The following CASK variants were observed in gnomAD, a reference collection of about 807,000 sequenced individuals.
The protein encoded by CASK is peripheral plasma membrane protein CASK.
A neutral mutation model predicts 82.9 loss-of-function variants in CASK; 4 were observed. The observed-to-expected ratio is 0.05, with a 90% confidence interval of 0.02 to 0.11. The LOEUF (loss-of-function observed/expected upper bound fraction) is 0.11, where lower values mean the gene tolerates loss of function less well. Among genes scored for constraint, CASK ranks in the 10% least tolerant of loss-of-function variants. The pLI, the probability that CASK is intolerant of heterozygous loss-of-function variation, is 1.00. For synonymous variants in CASK, 259 were observed against 253.5 expected (o/e 1.02, Z -0.20); for missense variants, 358 against 720.9 (o/e 0.50, Z 5.76).
intron 12 of CASK, among the ~76,000 whole-genome samples, chrX:41,600,898 A>C (rs1258692184): frequency 8.9e-6 from 1 of 112,219 alleles, no homozygotes; most frequent in Non-Finnish European, 1.9e-5. Flanking sequence ...TACACACACG[A>C]TGGAATATTA....
chrX:41,861,950 T>C (rs898190123), intron 1 of CASK, among the ~76,000 whole-genome samples: 4 of 103,917 alleles, frequency 3.8e-5, no homozygotes, highest in Non-Finnish European at 7.8e-5. Context: ...TATATATGTA[T>C]GTATACATAT....
At chrX:41,566,911 C>A (rs1218179102) in intron 16 of CASK, among the ~76,000 whole-genome samples, 8 of 111,682 alleles carry the variant, frequency 7.2e-5, no homozygotes, top group Non-Finnish European at 3.8e-5. Flanking sequence ...TGGAACAGAA[C>A]AGAGGCCTCA....
At chrX:41,823,453 C>A (rs1414374684) in intron 2 of CASK, among the ~76,000 whole-genome samples, 1 of 110,728 alleles carries the variant, frequency 9.0e-6, no homozygotes, top group Non-Finnish European at 1.9e-5. Flanking sequence ...TCTCTCTCCT[C>A]TTCTCAGTCT....
intron 25 of CASK, 72 bp from the exon 26 acceptor site, chrX:41,524,106 A>G (rs763949973): frequency 6.1e-6 from 5 of 819,432 alleles, no homozygotes; most frequent in Non-Finnish European, 7.0e-6. Context: ...AAATGAGTCT[A>G]TAAAAATTTT....
At chrX:41,823,039 T>TG (rs1459881190) in intron 2 of CASK, among the ~76,000 whole-genome samples, 4 of 64,163 alleles carry the variant, frequency 6.2e-5, no homozygotes, top group African/African-American at 2.5e-4. Context: ...TCAGCGGGGG[T>TG]GGGGGGAGGG....
At chrX:41,553,443 C>T (rs2065124893) in intron 21 of CASK, among the ~76,000 whole-genome samples, 1 of 110,893 alleles carries the variant, frequency 9.0e-6, no homozygotes, top group Admixed American at 9.7e-5. Context: ...GAGGGCTCTG[C>T]TGTGAGACCA....
chrX:41,853,033 G>T, intron 2 of CASK, 82 bp downstream of exon 2: 1 of 640,547 alleles, frequency 1.6e-6, no homozygotes, highest in Non-Finnish European at 2.6e-6. Context: ...CCCACCCCCA[G>T]ATGAAGGTTA....
Position 41,676,892 on chromosome X carries a change from G to A in CASK, c.430-5362C>T, listed in dbSNP as rs773822700. Among the ~76,000 whole-genome samples, 141 of 112,241 alleles carry A rather than the reference G, an allele frequency of 1.3e-3. 1 individual carries two copies. The highest frequency in any genetic ancestry group is 4.6e-3 in the Middle Eastern group (1 of 217). ...AGGAATTGCTACTGGATATGAGCGTGAGAGAAAGACACAAGTCAATTATAA... is the reference window on the plus strand; with the variant it reads ...AGGAATTGCTACTGGATATGAGCGTAAGAGAAAGACACAAGTCAATTATAA... On this transcript the variant is annotated intron_variant, in intron 5 of 26. Coordinates refer to ENST00000378163, the MANE Select transcript of CASK (RefSeq NM_001367721.1).
intron 5 of CASK, among the ~76,000 whole-genome samples, chrX:41,710,081 T>TGTGTGTGTG (rs2067947788): frequency 4.2e-5 from 3 of 72,185 alleles, no homozygotes; most frequent in African/African-American, 5.5e-5. Flanking sequence ...GGTATAGATT[T>TGTGTGTGTG]TGTGTGTGTG....
chrX:41,603,313 G>C (rs1373622285), intron 12 of CASK, among the ~76,000 whole-genome samples: 1 of 111,669 alleles, frequency 9.0e-6, no homozygotes, highest in African/African-American at 3.3e-5. Flanking sequence ...TTTTCCTTTA[G>C]GAAACTTCTG....
intron 8 of CASK, among the ~76,000 whole-genome samples, chrX:41,637,647 A>G (rs2147371916): frequency 9.5e-6 from 1 of 105,302 alleles, no homozygotes; most frequent in South Asian, 4.7e-4. Flanking sequence ...CCCATTATTT[A>G]TTTATATATT....
At chrX:41,777,266 C>T (rs947512115) in intron 3 of CASK, among the ~76,000 whole-genome samples, 9 of 110,378 alleles carry the variant, frequency 8.2e-5, no homozygotes, top group Admixed American at 4.9e-4. Flanking sequence ...CAGAGGCAGG[C>T]GGATCACTTG....
chrX:41,901,589 A>C (rs1031692904), intron 1 of CASK, among the ~76,000 whole-genome samples: 1 of 110,963 alleles, frequency 9.0e-6, no homozygotes, highest in Non-Finnish European at 1.9e-5. Context: ...GAAATTCCGG[A>C]GGGCTGTCTG....
intron 21 of CASK, 48 bp from the exon 22 acceptor site, chrX:41,542,854 G>C (rs1569295812): frequency 2.5e-6 from 2 of 800,634 alleles, no homozygotes; most frequent in Admixed American, 2.4e-5. Context: ...TTATAATTCT[G>C]GTTGATAAAA....
intron 3 of CASK, among the ~76,000 whole-genome samples, chrX:41,753,526 A>C (rs1475313269): frequency 1.8e-5 from 2 of 112,451 alleles, no homozygotes; most frequent in African/African-American, 6.5e-5. Context: ...GGAAATAATA[A>C]GCAGAAATTA....
intron 11 of CASK, among the ~76,000 whole-genome samples, chrX:41,619,175 C>T (rs1379767615): frequency 9.0e-6 from 1 of 111,489 alleles, no homozygotes; most frequent in Non-Finnish European, 1.9e-5. Context: ...TTTTTCCTAG[C>T]CCTTGGTCCA....
chrX:41,792,499 G>A (rs1280877430), intron 2 of CASK, among the ~76,000 whole-genome samples: 1 of 109,606 alleles, frequency 9.1e-6, no homozygotes, highest in Non-Finnish European at 1.9e-5. Flanking sequence ...TATGTTGCCC[G>A]GGTTGATCTC....
chrX:41,784,736 C>CA (rs1300907050), intron 3 of CASK, among the ~76,000 whole-genome samples: 1 of 109,783 alleles, frequency 9.1e-6, no homozygotes, highest in African/African-American at 3.3e-5. Flanking sequence ...ATTAGCCGGG[C>CA]ATGGTGGCAC....
chrX:41,671,402 A>T (rs1277942230), intron 6 of CASK, 26 bp downstream of exon 6: 4 of 794,106 alleles, frequency 5.0e-6, no homozygotes, highest in Non-Finnish European at 5.4e-6. Context: ...GTTTTGAAGA[A>T]TTTTTTTTTT....
Sources: allele counts gnomAD v4.1 joint callset (sites outside exome capture counted in the v4.1 genomes callset), GRCh38; gene constraint gnomAD v4.1.1; transcripts MANE v1.5; gene names NCBI Gene and HGNC (gene_info 2026-07-23, HGNC 2026-07-21).